The following MAP3K4 variants were observed in gnomAD, a reference collection of about 807,000 sequenced individuals.
MAP3K4 encodes MAP three kinase 1.
MAP3K4 carries 67 observed loss-of-function variants against 185.6 expected under a neutral mutation model. That is an observed-to-expected ratio of 0.36 (90% CI 0.30 to 0.44). The LOEUF is 0.44. Ranked by LOEUF, MAP3K4 falls within the 20% of genes least tolerant of loss-of-function variation. MAP3K4 has a pLI of 1.00. For missense variants in MAP3K4, 1,551 were observed against 1,995.1 expected, an observed-to-expected ratio of 0.78 and a Z score of 4.24; for synonymous variants, 702 against 710.4, an observed-to-expected ratio of 0.99 and a Z score of 0.19.
chr6:161,053,580 G>A lies in MAP3K4; in HGVS notation c.1707+3601G>A, dbSNP rs1157828188. Among the ~76,000 whole-genome samples the A allele has an allele frequency of 6.6e-6, 1 of 152,136 alleles. No homozygotes were observed. The highest frequency in any genetic ancestry group is 1.5e-5 in the Non-Finnish European group (1 of 68,026). On this transcript the variant is annotated intron_variant, in intron 3 of 26. Transcript: ENST00000392142. This position sits in a 1 kb window ranked among gnomAD's most constrained non-coding sequence, Gnocchi z 4.2. Reference sequence around the variant, plus strand: ...TTAGGCAGTAAAACCTTTTAGGTTTGAGGACTTTTTTGTTTGTTTGTTTGT... The same window carrying A: ...TTAGGCAGTAAAACCTTTTAGGTTTAAGGACTTTTTTGTTTGTTTGTTTGT...
At chr6:161,009,490 G>A (rs644486) in intron 1 of MAP3K4, among the ~76,000 whole-genome samples, 111,774 of 152,050 alleles carry the variant, frequency 0.74, 42,179 homozygotes, top group Non-Finnish European at 0.82. Flanking sequence ...TGGAATCAGA[G>A]CATTTGTCTT....
At chr6:161,030,002 G>A (rs987682516) in intron 1 of MAP3K4, among the ~76,000 whole-genome samples, 1 of 152,012 alleles carries the variant, frequency 6.6e-6, no homozygotes, top group Non-Finnish European at 1.5e-5. Flanking sequence ...CAGCAATTTG[G>A]TTATGATGTA....
Position 161,071,691 on chromosome 6 carries a change from G to T in MAP3K4, c.1950+841G>T, listed in dbSNP as rs1322703770. Among the ~76,000 whole-genome samples, 1 of 152,178 alleles carries T rather than the reference G, an allele frequency of 6.6e-6. No homozygotes were observed. Among genetic ancestry groups the T allele is most frequent in the Non-Finnish European group, 1.5e-5 (1 of 68,032 alleles). On this transcript the variant is annotated intron_variant, in intron 4 of 26. Transcript: ENST00000392142. The surrounding 1 kb of genome is among the most constrained non-coding windows in gnomAD (Gnocchi z 4.6). ...TAGAATGACTAATGAAAGTCATTTG[G>T]AGATTGTCCCCTGCATCTCATTTCC...
Position 161,063,286 on chromosome 6 carries a change from G to A in MAP3K4, c.1708-7322G>A, listed in dbSNP as rs541389348. Among the ~76,000 whole-genome samples, 2 of 151,192 alleles carry A rather than the reference G, an allele frequency of 1.3e-5. No homozygotes were observed. Among genetic ancestry groups the A allele is most frequent in the African/African-American group, 2.4e-5 (1 of 41,068 alleles). ...TTTCTTTTAGTTTATTTCAGAAATC[G>A]GTCTACAATTCTCATCTGCTTAGTG... On this transcript the variant is annotated intron_variant, in intron 3 of 26. Transcript: ENST00000392142. This position sits in a 1 kb window ranked among gnomAD's most constrained non-coding sequence, Gnocchi z 5.4.
At chr6:161,044,263 G>A (rs904079161) in intron 2 of MAP3K4, among the ~76,000 whole-genome samples, 1 of 152,164 alleles carries the variant, frequency 6.6e-6, no homozygotes, top group Admixed American at 6.5e-5. Context: ...CCTGTAATTA[G>A]AACTTGCCAA....
At chr6:161,068,543 AGTGAAGCATT>A (rs1304186108) in intron 3 of MAP3K4, among the ~76,000 whole-genome samples, 12 of 152,342 alleles carry the variant, frequency 7.9e-5, no homozygotes, top group Non-Finnish European at 1.8e-4. Context: ...TAGGGCTGTC[AGTGAAGCATT>A]GCATTTTAAA....
rs762509360 is a variant in MAP3K4, at chr6:161,049,436, C to G, written c.1164C>G (p.Asp388Glu). The stretch of plus-strand genomic sequence containing the variant: ...AATATGCTGCAAAAGACTTCCAGGA[C>G]AGGGTGCAGGCACTCTGTTTGTGGT... ...YEKYAAKDFQ[D>E]RVQALCLWLN... is the part of the protein sequence containing the mutation. Residue 388 changes from aspartate (D) to glutamate (E), a missense_variant, in exon 3 of 27, where the codon GAC (aspartate) becomes GAG (glutamate). Asp to Glu is a conservative substitution (Grantham distance 45). Transcript: ENST00000392142. This position sits in a 1 kb window ranked among gnomAD's most constrained non-coding sequence, Gnocchi z 8.4. The G allele has an allele frequency of 3.7e-6, 6 of 1,614,118 alleles. No individual in the cohort carries two copies. Among genetic ancestry groups the G allele is most frequent in the Non-Finnish European group, 5.1e-6 (6 of 1,180,000 alleles).
In MAP3K4 at chr6:161,001,009, CAT is replaced by C. The variant is rs1269524062; in HGVS notation, c.152+8929_152+8930del. On this transcript the variant is annotated intron_variant, in intron 1 of 26. Coordinates refer to ENST00000392142, the MANE Select transcript of MAP3K4 (RefSeq NM_005922.4). Reference sequence around the variant, plus strand: ...TATATATTATATATTATAATATACACATATGTATATAATATATATTATATATT... The same window carrying C: ...TATATATTATATATTATAATATACACATGTATATAATATATATTATATATT... Among the ~76,000 whole-genome samples the C allele has an allele frequency of 4.4e-4, 18 of 40,992 alleles. 1 individual carries two copies. The highest frequency in any genetic ancestry group is 1.3e-3 in the South Asian group (2 of 1,538). 26.9% of individuals were successfully genotyped at this position (40,992 alleles called of 152,430 possible). A position where few individuals can be genotyped will look rare whatever the true frequency, so the allele number is the denominator to read the frequency against.
At chr6:160,994,290 C>T (rs1267919000) in intron 1 of MAP3K4, among the ~76,000 whole-genome samples, 8 of 152,132 alleles carry the variant, frequency 5.3e-5, no homozygotes, top group South Asian at 2.1e-4. Context: ...TTCCTCACCC[C>T]GCTCTGAGCC....
In MAP3K4 at chr6:161,049,382, A is replaced by C. The variant is rs923918206; in HGVS notation, c.1110A>C (p.Ser370=). Residue 370 remains serine (S), a synonymous_variant, in exon 3 of 27, where the codon TCA becomes TCC. Transcript: ENST00000392142. The surrounding 1 kb of genome is among the most constrained non-coding windows in gnomAD (Gnocchi z 8.4). ...AGTACATAGAAGCACTTTATCCATC[A>C]TTGCAGGCTCTTCAGAAGGACTATG... ...LLEYIEALYP[S]LQALQKDYEK... The C allele has an allele frequency of 6.2e-7, 1 of 1,614,186 alleles. No homozygotes were observed. Among genetic ancestry groups the C allele is most frequent in the South Asian group, 1.1e-5 (1 of 91,082 alleles).
rs752167406 is a variant in MAP3K4 at position 161,091,984 on chromosome 6, T to A, written c.3136-26T>A. The A allele has an allele frequency of 2.5e-6, 4 of 1,585,642 alleles. No individual in the cohort carries two copies. The African/African-American group carries it at 5.4e-5, about 21-fold the overall frequency. ...TTATTTAATGATCATTTCCTTAATG[T>A]TGATATACATGAAATCTTCTTACAG... On this transcript the variant is annotated intron_variant, in intron 12 of 26. Transcript: ENST00000392142. This position sits in a 1 kb window ranked among gnomAD's most constrained non-coding sequence, Gnocchi z 5.5.
At chr6:161,024,710 G>C (rs956717118) in intron 1 of MAP3K4, among the ~76,000 whole-genome samples, 1 of 151,990 alleles carries the variant, frequency 6.6e-6, no homozygotes, top group African/African-American at 2.4e-5. Context: ...ATCATATCAG[G>C]GGCACGTGCT....
intron 1 of MAP3K4, among the ~76,000 whole-genome samples, chr6:161,003,650 A>G (rs606817): frequency 0.74 from 111,825 of 152,052 alleles, 42,213 homozygotes; most frequent in Non-Finnish European, 0.82. Flanking sequence ...CTGTCAGGGA[A>G]GCAGCAAGGT....
chr6:161,005,176 T>C (rs187798183), intron 1 of MAP3K4, among the ~76,000 whole-genome samples: 47 of 151,834 alleles, frequency 3.1e-4, no homozygotes, highest in Non-Finnish European at 5.6e-4. Context: ...TCTCACTCTG[T>C]TGTCCAGGCT....
In MAP3K4 at chr6:161,089,471, G is replaced by A. The variant is rs1203462727; in HGVS notation, c.2973G>A (p.Lys991=). ...TCGCCAAAGCTTTGCAGCAGCTGAA[G>A]GTATTACACTGTCCTCTACATTAGC... is the stretch of plus-strand genomic sequence containing the variant. ...PVIAKALQQL[K]NDALELCNRI... Residue 991 remains lysine (K), a splice_region_variant and synonymous_variant, in exon 11 of 27, where the codon AAG becomes AAA. Transcript: ENST00000392142. The A allele has an allele frequency of 1.2e-6, 2 of 1,614,020 alleles. No individual in the cohort carries two copies. The highest frequency in any genetic ancestry group is 1.7e-6 in the Non-Finnish European group (2 of 1,179,972).
At chr6:161,060,315 T>C (rs1784427231) in intron 3 of MAP3K4, among the ~76,000 whole-genome samples, 1 of 152,246 alleles carries the variant, frequency 6.6e-6, no homozygotes, top group South Asian at 2.1e-4. Context: ...TTTTATTTAC[T>C]ATTTTTTAAA....
chr6:161,098,835 A>C lies in MAP3K4; in HGVS notation c.3674+408A>C, dbSNP rs1362675602. On this transcript the variant is annotated intron_variant, in intron 17 of 26. Coordinates refer to ENST00000392142, the MANE Select transcript of MAP3K4 (RefSeq NM_005922.4). The surrounding 1 kb of genome is among the most constrained non-coding windows in gnomAD (Gnocchi z 4.4). ...TAACATTTTATTTTTTGGGAAGATCAGTTTTCTAGCCAAATACTCTATTTT... is the reference window on the plus strand; with the variant it reads ...TAACATTTTATTTTTTGGGAAGATCCGTTTTCTAGCCAAATACTCTATTTT... 1.3e-5 allele frequency among the ~76,000 whole-genome samples: 2 copies of C among 152,168 alleles called. No homozygotes were observed. Among genetic ancestry groups the C allele is most frequent in the African/African-American group, 2.4e-5 (1 of 41,428 alleles).
chr6:161,068,980 A>G (rs1472332682), intron 3 of MAP3K4, among the ~76,000 whole-genome samples: 2 of 152,348 alleles, frequency 1.3e-5, no homozygotes, highest in South Asian at 2.1e-4. Flanking sequence ...GGCTTCTTCT[A>G]TTTGCTGTAA....
At chr6:161,045,342 C>T (rs1783680322) in intron 2 of MAP3K4, among the ~76,000 whole-genome samples, 1 of 151,962 alleles carries the variant, frequency 6.6e-6, no homozygotes, top group Non-Finnish European at 1.5e-5. Context: ...CACAAAATTT[C>T]AAAAAATTGT....
Sources: gnomAD v4.1 joint callset for allele counts (sites outside exome capture counted in the v4.1 genomes callset) on GRCh38, gnomAD v4.1.1 for gene constraint, Gnocchi (gnomAD v3.1) non-coding constraint, MANE v1.5 for transcripts, NCBI Gene and HGNC (gene_info 2026-07-23, HGNC 2026-07-21) for gene names.